ABCC9: variants seen among roughly 807,000 people sequenced by gnomAD.
ABCC9 encodes ATP binding cassette subfamily C member 9.
Under a neutral mutation model 188.3 loss-of-function variants are expected in ABCC9, and 95 were observed. The observed-to-expected ratio is 0.50, with a 90% CI of 0.43 to 0.60. The LOEUF is 0.60. Among genes scored for constraint, ABCC9 ranks in the 20% least tolerant of loss-of-function variants. ABCC9 has a pLI of 0.00. For synonymous variants in ABCC9, 659 were observed against 652.7 expected, an observed-to-expected ratio of 1.01 and a Z score of -0.15; for missense variants, 1,102 against 1,876.3, an observed-to-expected ratio of 0.59 and a Z score of 7.62.
intron 38 of ABCC9, among the ~76,000 whole-genome samples, chr12:21,806,871 T>G (rs538880470): frequency 8.5e-5 from 13 of 152,294 alleles, no homozygotes; most frequent in Non-Finnish European, 1.8e-4. Flanking sequence ...AATTTATGGC[T>G]TTTTACCATA....
intron 7 of ABCC9, among the ~76,000 whole-genome samples, chr12:21,915,227 G>GTA (rs1165764462): frequency 4.1e-4 from 35 of 86,050 alleles, no homozygotes; most frequent in African/African-American, 1.6e-3. Context: ...ATATATATAT[G>GTA]TGTGTGTGTG....
chr12:21,807,356 T>A lies in ABCC9; in HGVS notation c.4439A>T (p.Asp1480Val). 1 of 1,613,942 alleles carries A rather than the reference T, an allele frequency of 6.2e-7. No homozygotes were observed. The highest frequency in any genetic ancestry group is 8.5e-7 in the Non-Finnish European group (1 of 1,179,806). ...LIMDEATASI[D>V]MATENILQKV... ...AGATAATGCACTCACTGTGGCCATG[T>A]CAATGGAAGCTGTTGCCTCATCCAT... Residue 1480 changes from aspartate to valine, a missense_variant, in exon 38 of 40, where the codon GAC becomes GTC. Asp to Val is a radical substitution (Grantham distance 152). This residue lies in a region of ABCC9 where 40 missense variants were observed against 105.5 expected (regional missense o/e 0.38). Coordinates refer to ENST00000261200, the MANE Select transcript of ABCC9 (RefSeq NM_020297.4).
At chr12:21,865,659 G>A (rs1483675230) in intron 18 of ABCC9, among the ~76,000 whole-genome samples, 1 of 152,112 alleles carries the variant, frequency 6.6e-6, no homozygotes, top group Non-Finnish European at 1.5e-5. Flanking sequence ...ATGCCCATTA[G>A]ACATGTGTAA....
intron 22 of ABCC9, among the ~76,000 whole-genome samples, chr12:21,858,445 G>A (rs1011317620): frequency 1.3e-5 from 2 of 151,882 alleles, no homozygotes; most frequent in Non-Finnish European, 2.9e-5. Flanking sequence ...CAAGTATGGT[G>A]GTATGCACCT....
At chr12:21,903,815 T>G (rs2137818073) in intron 12 of ABCC9, among the ~76,000 whole-genome samples, 1 of 152,356 alleles carries the variant, frequency 6.6e-6, no homozygotes, top group South Asian at 2.1e-4. Context: ...TCCATGCTCA[T>G]GGATAGGAAG....
chr12:21,845,198 A>G (rs955518822), intron 26 of ABCC9, among the ~76,000 whole-genome samples: 4 of 151,990 alleles, frequency 2.6e-5, no homozygotes, highest in Admixed American at 6.6e-5. Flanking sequence ...TTGGCTTTCT[A>G]TGTTGTAGAG....
chr12:21,808,689 C>A (rs1565683643), intron 37 of ABCC9, among the ~76,000 whole-genome samples: 2 of 151,212 alleles, frequency 1.3e-5, no homozygotes, highest in Non-Finnish European at 2.9e-5. Context: ...GATCACTTGA[C>A]CCCAGGGATT....
Position 21,875,714 on chromosome 12 carries a change from A to G in ABCC9, c.2032T>C (p.Tyr678His). The G allele has an allele frequency of 6.2e-7, 1 of 1,610,992 alleles. No homozygotes were observed. The highest frequency in any genetic ancestry group is 8.5e-7 in the Non-Finnish European group (1 of 1,177,264). Residue 678 changes from tyrosine to histidine, a missense_variant, in exon 17 of 40, where the codon TAC becomes CAC. Physicochemically the swap from Tyr to His is moderately conservative, Grantham distance 83. Coordinates refer to ENST00000261200, the MANE Select transcript of ABCC9 (RefSeq NM_020297.4). ...EDIAIKVTNGYFSWGSGLATL... is the reference protein window; with the variant it reads ...EDIAIKVTNGHFSWGSGLATL... ...GCTAAACCACTGCCCCATGAAAAGT[A>G]TCCATTTGTGACCTACAAAATAAAA...
In ABCC9 at chr12:21,900,955, G is replaced by T. The variant is rs897025098; in HGVS notation, c.1618+5171C>A. Among the ~76,000 whole-genome samples the T allele has an allele frequency of 5.3e-5, 8 of 152,138 alleles. No homozygotes were observed. In the East Asian group the frequency reaches 1.4e-3, roughly 26 times the overall value. ...TTCAAATTCAGGAAATACAGAGAAC[G>T]CCACAAAGATAATCCTCGAGAAGAG... On this transcript the variant is annotated intron_variant, in intron 12 of 39. Transcript: ENST00000261200.
intron 24 of ABCC9, among the ~76,000 whole-genome samples, chr12:21,851,856 TAAAC>T (rs1944983686): frequency 6.6e-6 from 1 of 152,186 alleles, no homozygotes; most frequent in African/African-American, 2.4e-5. Flanking sequence ...GGTTGAAATG[TAAAC>T]AAACAGCCTC....
chr12:21,852,594 A>G (rs1231174895), intron 22 of ABCC9, 89 bp from the exon 23 acceptor site: 14 of 1,451,048 alleles, frequency 9.6e-6, no homozygotes, highest in African/African-American at 1.4e-5. Context: ...ACAAATAACT[A>G]AGGGCAAATC....
rs991564845 is a variant in ABCC9 at position 21,932,463 on chromosome 12, T to G, written c.284+1319A>C. On this transcript the variant is annotated intron_variant, in intron 4 of 39. Coordinates refer to ENST00000261200, the MANE Select transcript of ABCC9 (RefSeq NM_020297.4). Reference sequence around the variant, plus strand: ...AGCTCCTGCACAGCAAAAGAAACTATCAACAGAGTAAAAAGACAACCTACA... The same window carrying G: ...AGCTCCTGCACAGCAAAAGAAACTAGCAACAGAGTAAAAAGACAACCTACA... Among the ~76,000 whole-genome samples, 3 of 151,886 alleles carry G rather than the reference T, an allele frequency of 2.0e-5. No individual in the cohort carries two copies. In the East Asian group the frequency reaches 5.8e-4, roughly 29 times the overall value.
intron 5 of ABCC9, among the ~76,000 whole-genome samples, chr12:21,918,398 C>G (rs954983887): frequency 6.6e-6 from 1 of 152,008 alleles, no homozygotes; most frequent in Non-Finnish European, 1.5e-5. Context: ...ATTGTACCTT[C>G]GTATTAACTG....
intron 2 of ABCC9, among the ~76,000 whole-genome samples, chr12:21,937,582 T>A (rs759548747): frequency 2.6e-5 from 4 of 152,196 alleles, no homozygotes; most frequent in Non-Finnish European, 5.9e-5. Context: ...CCCAAACAGA[T>A]GGGAGATGAG....
Position 21,815,614 on chromosome 12 carries a change from C to G in ABCC9, c.4023+149G>C. The G allele has an allele frequency of 5.7e-6, 5 of 870,666 alleles. No individual in the cohort carries two copies. The South Asian group carries it at 7.4e-5, about 13-fold the overall frequency. 53.9% of individuals were successfully genotyped at this position (870,666 alleles called of 1,614,324 possible). On this transcript the variant is annotated intron_variant, in intron 34 of 39. Transcript: ENST00000261200. ...TGTACTGTAGTCTGATCCTATCTCT[C>G]CCTTTTTTCTTTTATGCAGATAATT...
chr12:21,878,698 A>C (rs1467218093), intron 16 of ABCC9, among the ~76,000 whole-genome samples: 1 of 152,220 alleles, frequency 6.6e-6, no homozygotes, highest in African/African-American at 2.4e-5. Flanking sequence ...TGAGTGTGAC[A>C]GGGAAAGGTT....
At chr12:21,863,903 A>G (rs1352908) in intron 19 of ABCC9, among the ~76,000 whole-genome samples, 3,349 of 152,230 alleles carry the variant, frequency 0.022, 129 homozygotes, top group African/African-American at 0.076. Flanking sequence ...ACGTCTTAGG[A>G]GTGTAGAAGA....
At chr12:21,815,665 C>T in intron 34 of ABCC9, 98 bp downstream of exon 34, 1 of 1,480,090 alleles carries the variant, frequency 6.8e-7, no homozygotes, top group Non-Finnish European at 9.3e-7. Flanking sequence ...AGGGAATATA[C>T]TTACTTGGCT....
chr12:21,842,255 A>C, intron 29 of ABCC9, 59 bp downstream of exon 29: 1 of 1,573,000 alleles, frequency 6.4e-7, no homozygotes, highest in Non-Finnish European at 8.7e-7. Context: ...GAACCCATGA[A>C]TAGAGAGGGC....
Sources: gnomAD v4.1 joint callset for allele counts (sites outside exome capture counted in the v4.1 genomes callset) on GRCh38, gnomAD v4.1.1 for gene constraint, gnomAD v4.1.1 regional missense constraint, MANE v1.5 for transcripts, NCBI Gene and HGNC (gene_info 2026-07-23, HGNC 2026-07-21) for gene names.